CDH13: variants seen among roughly 807,000 people sequenced by gnomAD.
The protein encoded by CDH13 is cadherin-13.
Under a neutral mutation model 63.8 loss-of-function variants are expected in CDH13, and 24 were observed. That is an observed-to-expected ratio of 0.38 (90% CI 0.27 to 0.53). The LOEUF is 0.53. CDH13 is among the 20% of genes least tolerant of loss of function. CDH13 has a pLI of 0.85. For missense variants in CDH13, 1,049 were observed against 903.1 expected, an observed-to-expected ratio of 1.16 and a Z score of -2.07; for synonymous variants, 503 against 355.3, an observed-to-expected ratio of 1.42 and a Z score of -4.67.
chr16:83,767,643 T>C (rs1299960225), intron 11 of CDH13, among the ~76,000 whole-genome samples: 1 of 152,210 alleles, frequency 6.6e-6, no homozygotes, highest in African/African-American at 2.4e-5. Context: ...GGTCTATCCA[T>C]ACAATGGATT....
At chr16:83,608,774 C>T (rs1033085673) in intron 8 of CDH13, among the ~76,000 whole-genome samples, 1 of 150,982 alleles carries the variant, frequency 6.6e-6, no homozygotes, top group Non-Finnish European at 1.5e-5. Context: ...TCCCAAAGTG[C>T]TGGGATTAAA....
chr16:83,667,006 G>C (rs1379585033), intron 8 of CDH13, among the ~76,000 whole-genome samples: 6 of 121,968 alleles, frequency 4.9e-5, no homozygotes, highest in African/African-American at 1.7e-4. Context: ...TGGATGGATG[G>C]ATGGATGGAT....
chr16:82,837,850 C>G (rs760721536), intron 1 of CDH13, among the ~76,000 whole-genome samples: 3 of 152,192 alleles, frequency 2.0e-5, no homozygotes, highest in African/African-American at 7.2e-5. Context: ...CACTTGGAGC[C>G]ACTCTTACCA....
chr16:82,879,972 A>C (rs2040642203), intron 2 of CDH13, among the ~76,000 whole-genome samples: 1 of 146,566 alleles, frequency 6.8e-6, no homozygotes, highest in South Asian at 2.1e-4. Flanking sequence ...CATTATATAT[A>C]GATCCATACA....
At chr16:82,697,432 T>C (rs1350614080) in intron 1 of CDH13, among the ~76,000 whole-genome samples, 1 of 124,274 alleles carries the variant, frequency 8.0e-6, no homozygotes. Flanking sequence ...TCTTTTTTTT[T>C]TTTTTTTTTT....
At chr16:83,563,952 T>G (rs910984891) in intron 7 of CDH13, among the ~76,000 whole-genome samples, 2 of 152,192 alleles carry the variant, frequency 1.3e-5, no homozygotes, top group African/African-American at 4.8e-5. Flanking sequence ...CTCAGTCTCT[T>G]GTGTCTTCAC....
intron 2 of CDH13, among the ~76,000 whole-genome samples, chr16:82,915,350 C>G (rs187059853): frequency 6.6e-6 from 1 of 152,150 alleles, no homozygotes; most frequent in African/African-American, 2.4e-5. Context: ...GTCTTACAGG[C>G]TTCTATTTTT....
chr16:83,319,535 A>T (rs1053085205), intron 5 of CDH13, among the ~76,000 whole-genome samples: 4 of 152,200 alleles, frequency 2.6e-5, no homozygotes, highest in African/African-American at 9.6e-5. Context: ...GTAAATCACG[A>T]CTTTACGATT....
intron 6 of CDH13, among the ~76,000 whole-genome samples, chr16:83,452,698 A>G (rs754979149): frequency 1.4e-4 from 21 of 152,268 alleles, no homozygotes; most frequent in Admixed American, 2.0e-4. Flanking sequence ...GAAAATAAAC[A>G]TCTAAAAATA....
chr16:82,792,336 A>C (rs2036351813), intron 1 of CDH13, among the ~76,000 whole-genome samples: 1 of 152,090 alleles, frequency 6.6e-6, no homozygotes, highest in Non-Finnish European at 1.5e-5. Flanking sequence ...AAGGTAAAAA[A>C]CACACTAGCC....
At chr16:83,326,618 G>A (rs948029795) in intron 5 of CDH13, among the ~76,000 whole-genome samples, 1 of 152,100 alleles carries the variant, frequency 6.6e-6, no homozygotes, top group Non-Finnish European at 1.5e-5. Context: ...CATGCTTGCT[G>A]TGCCCTTTGC....
At chr16:83,617,906 C>G (rs1238553736) in intron 8 of CDH13, among the ~76,000 whole-genome samples, 2 of 152,052 alleles carry the variant, frequency 1.3e-5, no homozygotes, top group African/African-American at 4.8e-5. Flanking sequence ...ATTAAATATG[C>G]AATATTCAAC....
intron 2 of CDH13, among the ~76,000 whole-genome samples, chr16:82,868,926 A>G (rs2040248765): frequency 6.6e-6 from 1 of 152,180 alleles, no homozygotes; most frequent in Admixed American, 6.5e-5. Context: ...AACAAAACAA[A>G]AAAACTCACT....
At chr16:83,475,431 C>T (rs2073576964) in intron 6 of CDH13, among the ~76,000 whole-genome samples, 1 of 152,222 alleles carries the variant, frequency 6.6e-6, no homozygotes, top group Non-Finnish European at 1.5e-5. Flanking sequence ...TAAGCTGCCA[C>T]TTGGAGAGAG....
chr16:83,358,586 T>C (rs1207235314), intron 6 of CDH13, among the ~76,000 whole-genome samples: 1 of 152,234 alleles, frequency 6.6e-6, no homozygotes, highest in Non-Finnish European at 1.5e-5. Flanking sequence ...AGCTGAAATA[T>C]GCAGCATCAC....
At chr16:82,795,916 A>G (rs4782731) in intron 1 of CDH13, among the ~76,000 whole-genome samples, 20,973 of 150,518 alleles carry the variant, frequency 0.14, 1,557 homozygotes, top group Non-Finnish European at 0.16. Flanking sequence ...TTCGCTTAAC[A>G]CAGTGGAAAA....
At chr16:83,004,424 C>G (rs992608931) in intron 2 of CDH13, among the ~76,000 whole-genome samples, 4 of 152,116 alleles carry the variant, frequency 2.6e-5, no homozygotes, top group Non-Finnish European at 5.9e-5. Context: ...TAGAATTATA[C>G]TTCTTCCTCA....
intron 10 of CDH13, among the ~76,000 whole-genome samples, chr16:83,700,694 A>C (rs1384959871): frequency 6.6e-6 from 1 of 152,246 alleles, no homozygotes; most frequent in Non-Finnish European, 1.5e-5. Context: ...CGTCACAAAA[A>C]AATTAACAAA....
At chr16:83,060,749 A>G (rs7198643) in intron 3 of CDH13, among the ~76,000 whole-genome samples, 150 of 152,272 alleles carry the variant, frequency 9.9e-4, no homozygotes, top group African/African-American at 3.5e-3. Flanking sequence ...CATTTTTTAA[A>G]AGCAGGTAAT....
Sources: gnomAD v4.1 joint callset for allele counts (sites outside exome capture counted in the v4.1 genomes callset) on GRCh38, gnomAD v4.1.1 for gene constraint, MANE v1.5 for transcripts, NCBI Gene and HGNC (gene_info 2026-07-23, HGNC 2026-07-21) for gene names.